Variants in CFAP92 observed in about 807,000 individuals in gnomAD.
The protein encoded by CFAP92 is uncharacterized protein CFAP92.
A neutral mutation model predicts 106.3 loss-of-function variants in CFAP92; 86 were observed. The ratio of observed to expected loss-of-function variants is 0.81; its 90% CI spans 0.68 to 0.97. CFAP92 has a LOEUF of 0.97. Ranked by LOEUF, CFAP92 falls within the 50% of genes least tolerant of loss-of-function variation. The pLI, the probability that CFAP92 is intolerant of heterozygous loss-of-function variation, is 0.00. For missense variants in CFAP92, 1,204 were observed against 1,283.8 expected (o/e 0.94, Z 0.95); for synonymous variants, 477 against 506.4 (o/e 0.94, Z 0.78).
chr3:129,012,431 C>G, the CFAP92 span, among the ~76,000 whole-genome samples: 165 of 152,252 alleles, frequency 1.1e-3, 1 homozygote, highest in East Asian at 2.1e-3. Flanking sequence ...CTCTGCTTGT[C>G]CCTGCCTGGT....
intron 12 of CFAP92, among the ~76,000 whole-genome samples, chr3:128,924,461 T>G (rs1225072938): frequency 1.5e-4 from 15 of 99,562 alleles, no homozygotes; most frequent in African/African-American, 2.4e-4. Context: ...TTTTTTTTTT[T>G]GAGACAGAGT....
chr3:129,013,767 C>T, the CFAP92 span, among the ~76,000 whole-genome samples: 1 of 152,210 alleles, frequency 6.6e-6, no homozygotes, highest in Non-Finnish European at 1.5e-5. Context: ...GCCATTGGCC[C>T]TGCCCGACAC....
chr3:128,911,041 G>C (rs919184815), intron 15 of CFAP92, among the ~76,000 whole-genome samples: 1 of 150,980 alleles, frequency 6.6e-6, no homozygotes, highest in Non-Finnish European at 1.5e-5. Context: ...ATATATGTGT[G>C]TGTGTGTATG....
At chr3:128,958,177 C>T (rs749779410) in intron 9 of CFAP92, among the ~76,000 whole-genome samples, 4 of 152,158 alleles carry the variant, frequency 2.6e-5, no homozygotes, top group Non-Finnish European at 4.4e-5. Flanking sequence ...AGATACTGGG[C>T]GTTAGGAGTT....
upstream of CFAP92, among the ~76,000 whole-genome samples, chr3:128,995,896 C>T (rs915703288): frequency 2.0e-5 from 3 of 152,242 alleles, no homozygotes; most frequent in African/African-American, 7.2e-5. Flanking sequence ...CATAATCTTC[C>T]GGCAGGCATT....
chr3:129,017,920 G>T, the CFAP92 span, among the ~76,000 whole-genome samples: 3 of 152,182 alleles, frequency 2.0e-5, no homozygotes, highest in African/African-American at 7.2e-5. Flanking sequence ...GAGAAGTGAA[G>T]TGAGTTCCTC....
chr3:128,958,137 G>T (rs1194591250), intron 9 of CFAP92, among the ~76,000 whole-genome samples: 1 of 152,170 alleles, frequency 6.6e-6, no homozygotes, highest in African/African-American at 2.4e-5. Context: ...CCTCTGCAAA[G>T]ACCCTCTTTC....
At position 128,971,351 on chromosome 3, in the gene CFAP92, C is replaced by G; in HGVS notation, c.1104G>C (p.Thr368=). 6.2e-7 allele frequency: 1 copy of G among 1,613,568 alleles called. No individual in the cohort carries two copies. Among genetic ancestry groups the G allele is most frequent in the Non-Finnish European group, 8.5e-7 (1 of 1,179,728 alleles). Reference sequence around the variant, plus strand: ...CGCTCTGCTTCCTGGGGCCTGTCAGCGTGGGGTCTGCCTCTTCTTCTGCCA... The same window carrying G: ...CGCTCTGCTTCCTGGGGCCTGTCAGGGTGGGGTCTGCCTCTTCTTCTGCCA... ...KPLAEEEADP[T]LTGPRKQSAF... The change falls in exon 8 of 16, where the codon ACG becomes ACC. Residue 368 remains threonine, a synonymous_variant. Transcript: ENST00000645291.
intron 10 of CFAP92, among the ~76,000 whole-genome samples, chr3:128,940,318 CAT>C (rs1939501005): frequency 1.3e-5 from 2 of 152,136 alleles, no homozygotes; most frequent in Non-Finnish European, 2.9e-5. Context: ...AGTGTGGATA[CAT>C]GTTTTCATTT....
At chr3:128,964,142 T>C (rs1942178889) in intron 9 of CFAP92, among the ~76,000 whole-genome samples, 1 of 152,224 alleles carries the variant, frequency 6.6e-6, no homozygotes, top group South Asian at 2.1e-4. Flanking sequence ...AGGCTCTTAG[T>C]AGGTTTCAGT....
chr3:128,912,381 G>A, intron 15 of CFAP92: 1 of 760,904 alleles, frequency 1.3e-6, no homozygotes, highest in Non-Finnish European at 2.3e-6. Context: ...TCTGGAGGAG[G>A]GGTTCACCCT....
At position 128,961,959 on chromosome 3, in the gene CFAP92, C is replaced by A. The variant is rs377426272; in HGVS notation, c.1353+3552G>T. Reference sequence around the variant, plus strand: ...CAGTGGCCAGGTGTTCCTCCAGAACCTCCTCCCCCAGGAGCTTGCTACAAG... The same window carrying A: ...CAGTGGCCAGGTGTTCCTCCAGAACATCCTCCCCCAGGAGCTTGCTACAAG... On this transcript the variant is annotated intron_variant, in intron 9 of 15. Coordinates refer to ENST00000645291, the MANE Select transcript of CFAP92 (RefSeq NM_001394090.1). Among the ~76,000 whole-genome samples the A allele has an allele frequency of 1.4e-3, 209 of 152,260 alleles. 1 individual carries two copies. Among genetic ancestry groups the A allele is most frequent in the African/African-American group, 4.6e-3 (193 of 41,554 alleles).
At position 129,001,761 on chromosome 3, in the gene CFAP92, G is replaced by A. The variant is rs764026856; in HGVS notation, n.117+813C>T. The A allele has an allele frequency of 3.2e-6, 5 of 1,541,982 alleles. No individual in the cohort carries two copies. The South Asian group carries it at 6.0e-5, about 18-fold the overall frequency. ...CCACTACGGGCTGGACCGCGGCGTGGAGAACGAGATCGTGGTGCTGGCCAC... is the reference window on the plus strand; with the variant it reads ...CCACTACGGGCTGGACCGCGGCGTGAAGAACGAGATCGTGGTGCTGGCCAC... On this transcript the variant is annotated intron_variant and non_coding_transcript_variant, in intron 1 of 4. Coordinates refer to the CFAP92 transcript ENST00000510149.
At chr3:128,931,513 ATATG>A (rs200124028) in intron 12 of CFAP92, among the ~76,000 whole-genome samples, 1,340 of 131,004 alleles carry the variant, frequency 0.01, 56 homozygotes, top group Admixed American at 0.081. Flanking sequence ...ATATGTATAT[ATATG>A]TATGTATGTG....
chr3:128,937,379 G>A (rs34683220), intron 10 of CFAP92, among the ~76,000 whole-genome samples: 56,286 of 150,572 alleles, frequency 0.37, 11,726 homozygotes, highest in African/African-American at 0.56. Flanking sequence ...ATGGGAGGCC[G>A]AGGTGGGCAG....
chr3:129,020,402 C>T, the CFAP92 span, among the ~76,000 whole-genome samples: 4 of 152,038 alleles, frequency 2.6e-5, no homozygotes, highest in East Asian at 1.9e-4. Flanking sequence ...TTTGGGAGGC[C>T]GAGATGGGTG....
At chr3:128,934,462 AC>A (rs1225552530) in intron 11 of CFAP92, among the ~76,000 whole-genome samples, 1 of 151,656 alleles carries the variant, frequency 6.6e-6, no homozygotes, top group African/African-American at 2.4e-5. Flanking sequence ...CAGGTGATCC[AC>A]CCGCCTTGGC....
the CFAP92 span, among the ~76,000 whole-genome samples, chr3:129,017,407 C>T: frequency 2.3e-4 from 35 of 152,340 alleles, no homozygotes; most frequent in Non-Finnish European, 4.3e-4. Flanking sequence ...TTCCGTAGGC[C>T]GGAAGTCCAG....
chr3:128,989,289 T>TAAAAAAAAAAA (rs56776852), intron 2 of CFAP92, among the ~76,000 whole-genome samples: 1 of 122,260 alleles, frequency 8.2e-6, no homozygotes. Context: ...AAGAAGCAGG[T>TAAAAAAAAAAA]AAAAAAAAAA....
Sources: gnomAD v4.1 joint callset for allele counts (sites outside exome capture counted in the v4.1 genomes callset) on GRCh38, gnomAD v4.1.1 for gene constraint, MANE v1.5 for transcripts, NCBI Gene and HGNC (gene_info 2026-07-23, HGNC 2026-07-21) for gene names.